PTPRN2: variants seen among roughly 807,000 people sequenced by gnomAD.
PTPRN2 encodes protein tyrosine phosphatase receptor type N2.
A neutral mutation model predicts 118.8 loss-of-function variants in PTPRN2; 74 were observed. That is an observed-to-expected ratio of 0.62 (90% CI 0.52 to 0.76). The LOEUF (loss-of-function observed/expected upper bound fraction) is 0.76, where lower values mean the gene tolerates loss of function less well. PTPRN2 is among the 30% of genes least tolerant of loss of function. PTPRN2 has a pLI of 0.00. For missense variants in PTPRN2, 1,481 were observed against 1,394.4 expected (o/e 1.06, Z -0.99); for synonymous variants, 641 against 608.0 (o/e 1.05, Z -0.80).
intron 2 of PTPRN2, among the ~76,000 whole-genome samples, chr7:158,357,357 A>G (rs555392201): frequency 2.0e-5 from 3 of 152,338 alleles, no homozygotes; most frequent in South Asian, 2.1e-4. Context: ...GCAGCACCTC[A>G]GTGATTTCAG....
At chr7:158,359,390 C>T (rs369699935) in intron 2 of PTPRN2, among the ~76,000 whole-genome samples, 9 of 152,170 alleles carry the variant, frequency 5.9e-5, no homozygotes, top group Admixed American at 2.6e-4. Flanking sequence ...GCGAGGCCAA[C>T]ACACAGTCAC....
intron 2 of PTPRN2, among the ~76,000 whole-genome samples, chr7:158,464,970 G>C (rs1017921469): frequency 1.3e-5 from 2 of 152,192 alleles, no homozygotes; most frequent in Admixed American, 6.5e-5. Context: ...TAGAGATAAG[G>C]GAGTTGAAGT....
Position 158,271,819 on chromosome 7 carries a change from G to A in PTPRN2, c.277+45000C>T, listed in dbSNP as rs569211678. On this transcript the variant is annotated intron_variant, in intron 3 of 22. Transcript: ENST00000389418. ...GCGTCCTGAGGCCTCTTTCAGAAGC[G>A]CATTAGCCCATCCGTGAGGCTCTTC... Among the ~76,000 whole-genome samples the A allele has an allele frequency of 9.9e-5, 15 of 152,200 alleles. No homozygotes were observed. The South Asian group carries it at 1.2e-3, about 13-fold the overall frequency.
chr7:157,652,064 C>T (rs1282352834), intron 14 of PTPRN2, among the ~76,000 whole-genome samples: 3 of 152,210 alleles, frequency 2.0e-5, no homozygotes, highest in Non-Finnish European at 4.4e-5. Context: ...CAAATAAAGC[C>T]CTTTCTCCTT....
intron 3 of PTPRN2, among the ~76,000 whole-genome samples, chr7:158,269,654 G>A (rs536143225): frequency 2.0e-5 from 3 of 152,278 alleles, no homozygotes; most frequent in South Asian, 2.1e-4. Flanking sequence ...GGCACAGGAC[G>A]GGAGCCTGCC....
chr7:158,071,687 GGAGGTGCTT>G (rs1379206086), intron 11 of PTPRN2, among the ~76,000 whole-genome samples: 23 of 134,840 alleles, frequency 1.7e-4, no homozygotes, highest in African/African-American at 4.1e-4. Flanking sequence ...TGCTCCTGGT[GGAGGTGCTT>G]GTGGTGGAGG....
At chr7:157,746,676 G>C (rs1268269473) in intron 12 of PTPRN2, among the ~76,000 whole-genome samples, 3 of 152,232 alleles carry the variant, frequency 2.0e-5, no homozygotes, top group Admixed American at 2.0e-4. Context: ...ACGGGGCCCT[G>C]AGTATGGAGA....
chr7:158,461,587 T>A (rs946761143), intron 2 of PTPRN2, among the ~76,000 whole-genome samples: 1 of 152,206 alleles, frequency 6.6e-6, no homozygotes, highest in Non-Finnish European at 1.5e-5. Context: ...CTTCCAGTGT[T>A]TTCCAAAGCA....
chr7:157,699,590 AT>A (rs376675888), intron 12 of PTPRN2, among the ~76,000 whole-genome samples: 57 of 151,704 alleles, frequency 3.8e-4, no homozygotes, highest in African/African-American at 1.3e-3. Flanking sequence ...GGCCCAGTGA[AT>A]TTTTTTTTGT....
chr7:158,126,097 C>T (rs1817645687), intron 9 of PTPRN2, among the ~76,000 whole-genome samples: 1 of 125,476 alleles, frequency 8.0e-6, no homozygotes, highest in African/African-American at 3.3e-5. Context: ...CCACACCAGC[C>T]CCCAGGACAG....
intron 2 of PTPRN2, among the ~76,000 whole-genome samples, chr7:158,372,703 C>T (rs768597667): frequency 4.7e-4 from 71 of 152,384 alleles, no homozygotes; most frequent in Middle Eastern, 3.4e-3. Context: ...AAGACAGCCC[C>T]AGCATCTAGT....
chr7:158,328,796 C>CA (rs1803872657), intron 2 of PTPRN2, among the ~76,000 whole-genome samples: 1 of 118,002 alleles, frequency 8.5e-6, no homozygotes, highest in Non-Finnish European at 1.7e-5. Context: ...CCTCCATTCC[C>CA]CCCCCCCCGC....
rs892649737 is a variant in PTPRN2, at chr7:158,049,252, T to C, written c.1723+32046A>G. On this transcript the variant is annotated intron_variant, in intron 11 of 22. Transcript: ENST00000389418. ...AGCATCTCCATCTGACTGGTGGCCC[T>C]GGAACTCCTCCTTTGTCCTTTCAGT... 8.3e-5 allele frequency among the ~76,000 whole-genome samples: 9 copies of C among 108,508 alleles called. 1 individual carries two copies. Among genetic ancestry groups the C allele is most frequent in the Admixed American group, 8.2e-4 (8 of 9,724 alleles). 71.2% of individuals were successfully genotyped at this position (108,508 alleles called of 152,430 possible).
chr7:157,549,660 A>G (rs1170032763), intron 21 of PTPRN2, among the ~76,000 whole-genome samples: 1 of 152,230 alleles, frequency 6.6e-6, no homozygotes, highest in Non-Finnish European at 1.5e-5. Context: ...TTTAAATTTT[A>G]AGCTAATAAT....
rs527718051 is a variant in PTPRN2 at position 158,262,127 on chromosome 7, G to A, written c.277+54692C>T. Among the ~76,000 whole-genome samples the A allele has an allele frequency of 1.8e-4, 28 of 152,276 alleles. No homozygotes were observed. The East Asian group carries it at 5.0e-3, about 27-fold the overall frequency. On this transcript the variant is annotated intron_variant, in intron 3 of 22. Transcript: ENST00000389418. ...GGGATGTTAAGGGTCACACCCTCGA[G>A]GCCACAGTGACTGCCCCAAAGTCTG...
chr7:158,422,740 G>A (rs926980176), intron 2 of PTPRN2, among the ~76,000 whole-genome samples: 8 of 151,464 alleles, frequency 5.3e-5, no homozygotes, highest in African/African-American at 1.9e-4. Flanking sequence ...TGACACTGCC[G>A]GCTTCTGGGG....
intron 2 of PTPRN2, among the ~76,000 whole-genome samples, chr7:158,416,783 C>T (rs1412712499): frequency 2.0e-5 from 3 of 152,170 alleles, no homozygotes; most frequent in East Asian, 3.8e-4. Context: ...CCGCACACAG[C>T]AGGGAAGTGG....
chr7:158,557,370 G>A (rs1034001265), intron 1 of PTPRN2, among the ~76,000 whole-genome samples: 5 of 147,080 alleles, frequency 3.4e-5, no homozygotes, highest in South Asian at 4.4e-4. Context: ...CAGGTCAGGC[G>A]GCTCCCACGC....
chr7:158,558,776 A>AAAAAAAC (rs1827203064), intron 1 of PTPRN2, among the ~76,000 whole-genome samples: 1 of 151,598 alleles, frequency 6.6e-6, no homozygotes, highest in East Asian at 1.9e-4. Flanking sequence ...AAAAAAAAAA[A>AAAAAAAC]AAAAAGCAGT....
Sources: gnomAD v4.1 joint callset for allele counts (sites outside exome capture counted in the v4.1 genomes callset) on GRCh38, gnomAD v4.1.1 for gene constraint, MANE v1.5 for transcripts, NCBI Gene and HGNC (gene_info 2026-07-23, HGNC 2026-07-21) for gene names.